PATJ: variants seen among roughly 807,000 people sequenced by gnomAD.
PATJ encodes inaD-like protein.
A neutral mutation model predicts 224.9 loss-of-function variants in PATJ; 190 were observed. The observed-to-expected ratio is 0.84, with a 90% CI of 0.75 to 0.95. PATJ has a LOEUF of 0.95. PATJ is among the 40% of genes least tolerant of loss of function. The pLI is 0.00. For synonymous variants in PATJ, 769 were observed against 820.3 expected (o/e 0.94, Z 1.07); for missense variants, 2,121 against 2,270.3 (o/e 0.93, Z 1.34).
intron 22 of PATJ, among the ~76,000 whole-genome samples, chr1:61,885,561 A>G (rs1668699881): frequency 6.6e-6 from 1 of 152,214 alleles, no homozygotes; most frequent in African/African-American, 2.4e-5. Flanking sequence ...AAATAGGAAC[A>G]CTTTTACACT....
At chr1:61,863,554 C>T (rs1161749400) in intron 19 of PATJ, among the ~76,000 whole-genome samples, 1 of 152,154 alleles carries the variant, frequency 6.6e-6, no homozygotes, top group Non-Finnish European at 1.5e-5. Flanking sequence ...AATCTATATG[C>T]CAGGTTTTAG....
rs201822318 is a variant in PATJ at position 62,084,566 on chromosome 1, C to G, written c.4295C>G (p.Pro1432Arg). The G allele has an allele frequency of 5.4e-5, 87 of 1,613,414 alleles. No individual in the cohort carries two copies. The East Asian group carries it at 1.9e-3, about 36-fold the overall frequency. ...SVDPATCPIV[P>R]GQEMIIEISK... ...GACCCCGCAACGTGTCCCATTGTCC[C>G]TGGACAGGAAATGATTATAGAAATA... The change falls in exon 33 of 44, where the codon CCT (proline) becomes CGT (arginine). Residue 1432 changes from proline to arginine, a missense_variant. Pro to Arg is a moderately radical substitution (Grantham distance 103). Coordinates refer to ENST00000642238, the MANE Select transcript of PATJ (RefSeq NM_001350145.3).
chr1:61,843,654 A>G (rs1661459432), intron 17 of PATJ, among the ~76,000 whole-genome samples: 1 of 151,044 alleles, frequency 6.6e-6, no homozygotes, highest in African/African-American at 2.4e-5. Context: ...AGGAGTTCAG[A>G]GGCTGCAGTG....
chr1:61,768,885 G>A (rs947372926), intron 4 of PATJ, among the ~76,000 whole-genome samples: 3 of 151,100 alleles, frequency 2.0e-5, no homozygotes, highest in African/African-American at 7.3e-5. Context: ...GGGCAACAGA[G>A]CGAGACCCTG....
intron 41 of PATJ, among the ~76,000 whole-genome samples, chr1:62,130,217 T>A (rs1336032315): frequency 6.6e-6 from 1 of 152,120 alleles, no homozygotes; most frequent in Non-Finnish European, 1.5e-5. Flanking sequence ...GCCTGTAGTC[T>A]TAGCTACTCA....
At chr1:61,848,652 G>A (rs941559878) in intron 17 of PATJ, among the ~76,000 whole-genome samples, 9 of 152,038 alleles carry the variant, frequency 5.9e-5, no homozygotes, top group Non-Finnish European at 1.2e-4. Flanking sequence ...CTGGACTCAA[G>A]CGATCCTACC....
At chr1:62,011,971 G>C (rs550407944) in intron 28 of PATJ, among the ~76,000 whole-genome samples, 10 of 151,250 alleles carry the variant, frequency 6.6e-5, no homozygotes, top group African/African-American at 2.4e-4. Context: ...AGGCTGTAGC[G>C]AGCCATGTGC....
intron 28 of PATJ, among the ~76,000 whole-genome samples, chr1:61,997,999 A>AAATATAT (rs1553236187): frequency 9.1e-5 from 9 of 99,008 alleles, no homozygotes; most frequent in South Asian, 2.9e-4. Flanking sequence ...TGTATATATA[A>AAATATAT]TATATTATAT....
intron 27 of PATJ, 146 bp from the exon 28 acceptor site, chr1:61,990,022 G>T: frequency 3.2e-6 from 2 of 630,714 alleles, no homozygotes; most frequent in African/African-American, 1.8e-5. Flanking sequence ...CAGCACTCCA[G>T]TCTGCGCAAT....
intron 43 of PATJ, among the ~76,000 whole-genome samples, chr1:62,154,153 T>C (rs117711738): frequency 0.042 from 6,333 of 152,222 alleles, 196 homozygotes; most frequent in South Asian, 0.13. Context: ...GCCTCGGCCA[T>C]CTAAAGTGCT....
intron 31 of PATJ, among the ~76,000 whole-genome samples, chr1:62,052,452 A>AG (rs1653797559): frequency 6.6e-6 from 1 of 151,864 alleles, no homozygotes; most frequent in Non-Finnish European, 1.5e-5. Context: ...AAAAAAAAAA[A>AG]AAAAAATGAC....
At chr1:62,149,657 A>G (rs1668426480) in intron 42 of PATJ, among the ~76,000 whole-genome samples, 1 of 151,868 alleles carries the variant, frequency 6.6e-6, no homozygotes, top group African/African-American at 2.4e-5. Flanking sequence ...GCGTACCTTT[A>G]GCATCCTTTG....
At chr1:61,812,468 G>GTGTGT (rs1213546488) in intron 14 of PATJ, among the ~76,000 whole-genome samples, 5 of 147,594 alleles carry the variant, frequency 3.4e-5, no homozygotes, top group Admixed American at 6.8e-5. Context: ...GTGTGTGTGT[G>GTGTGT]GTGGTATTGG....
intron 41 of PATJ, among the ~76,000 whole-genome samples, chr1:62,142,867 T>C (rs1667641412): frequency 6.6e-6 from 1 of 152,124 alleles, no homozygotes; most frequent in South Asian, 2.1e-4. Flanking sequence ...GGGAACTTTA[T>C]ATGCATAATT....
chr1:62,120,426 C>T (rs10889286), intron 37 of PATJ, among the ~76,000 whole-genome samples: 26,301 of 152,038 alleles, frequency 0.17, 3,739 homozygotes, highest in East Asian at 0.73. Context: ...AATTTTGATG[C>T]AGAATAATTT....
intron 7 of PATJ, among the ~76,000 whole-genome samples, chr1:61,778,054 AT>A (rs1362924931): frequency 2.0e-5 from 3 of 151,608 alleles, no homozygotes; most frequent in Non-Finnish European, 2.9e-5. Context: ...TAGTTTTTCT[AT>A]TTTTTGTAGA....
chr1:62,053,962 C>G (rs1006441838), intron 31 of PATJ, among the ~76,000 whole-genome samples: 1 of 152,102 alleles, frequency 6.6e-6, no homozygotes, highest in African/African-American at 2.4e-5. Context: ...TACAAAAATG[C>G]CTTCCCTCAT....
chr1:62,027,996 A>T (rs1020284257), intron 29 of PATJ, among the ~76,000 whole-genome samples: 7 of 151,854 alleles, frequency 4.6e-5, no homozygotes, highest in African/African-American at 1.7e-4. Context: ...TTGATGTCCA[A>T]TTTATCTAAT....
At chr1:61,750,827 T>C (rs573146807) in intron 1 of PATJ, among the ~76,000 whole-genome samples, 1 of 152,204 alleles carries the variant, frequency 6.6e-6, no homozygotes, top group South Asian at 2.1e-4. Context: ...TTGTAAATCT[T>C]CCCACCATTT....
Sources: allele counts gnomAD v4.1 joint callset (sites outside exome capture counted in the v4.1 genomes callset), GRCh38; gene constraint gnomAD v4.1.1; transcripts MANE v1.5; gene names NCBI Gene and HGNC (gene_info 2026-07-23, HGNC 2026-07-21).